The following GALNTL6 variants were observed in gnomAD, a reference collection of about 807,000 sequenced individuals.
GALNTL6 encodes polypeptide N-acetylgalactosaminyltransferase like 6.
GALNTL6 carries 46 observed loss-of-function variants against 73.7 expected under a neutral mutation model. The observed-to-expected ratio is 0.62, with a 90% CI of 0.49 to 0.80. The LOEUF (loss-of-function observed/expected upper bound fraction) is 0.80, where lower values mean the gene tolerates loss of function less well. Ranked by LOEUF, GALNTL6 falls within the 30% of genes least tolerant of loss-of-function variation. GALNTL6 has a pLI of 0.00. For missense variants in GALNTL6, 604 were observed against 755.0 expected, an observed-to-expected ratio of 0.80 and a Z score of 2.34; for synonymous variants, 259 against 263.7, an observed-to-expected ratio of 0.98 and a Z score of 0.17.
chr4:172,566,789 G>GA (rs899232728), intron 5 of GALNTL6, among the ~76,000 whole-genome samples: 8 of 150,024 alleles, frequency 5.3e-5, no homozygotes, highest in African/African-American at 1.2e-4. Context: ...GCTAGACTAG[G>GA]AAAAAAAAAG....
intron 5 of GALNTL6, among the ~76,000 whole-genome samples, chr4:172,800,509 A>C (rs1478666035): frequency 6.6e-6 from 1 of 152,208 alleles, no homozygotes. Context: ...TTTAGGGTCA[A>C]ATAGTAGAAT....
intron 5 of GALNTL6, among the ~76,000 whole-genome samples, chr4:172,731,051 G>A (rs531221075): frequency 6.7e-6 from 1 of 148,888 alleles, no homozygotes; most frequent in Admixed American, 6.7e-5. Context: ...CTGCACTCCA[G>A]CCTGGGCTAC....
intron 5 of GALNTL6, among the ~76,000 whole-genome samples, chr4:172,363,335 C>G (rs1227612453): frequency 6.6e-6 from 1 of 152,134 alleles, no homozygotes; most frequent in Non-Finnish European, 1.5e-5. Context: ...TCCCTGAAAC[C>G]CTCCCACCTG....
chr4:171,975,425 T>A (rs1025010655), intron 2 of GALNTL6, among the ~76,000 whole-genome samples: 1 of 152,190 alleles, frequency 6.6e-6, no homozygotes, highest in South Asian at 2.1e-4. Flanking sequence ...AAAGTAGGTA[T>A]CCTTTTCTTT....
chr4:172,846,033 A>G (rs1161982987), intron 7 of GALNTL6, among the ~76,000 whole-genome samples: 1 of 152,258 alleles, frequency 6.6e-6, no homozygotes, highest in Non-Finnish European at 1.5e-5. Flanking sequence ...AATGTCCACA[A>G]TTGGAAGATA....
chr4:172,352,811 T>G (rs1241935346), intron 5 of GALNTL6, among the ~76,000 whole-genome samples: 1 of 152,022 alleles, frequency 6.6e-6, no homozygotes, highest in Non-Finnish European at 1.5e-5. Context: ...CTGCTCCTGC[T>G]TGTTTCAAAG....
At chr4:171,855,223 C>A (rs1467466896) in intron 2 of GALNTL6, among the ~76,000 whole-genome samples, 1 of 152,158 alleles carries the variant, frequency 6.6e-6, no homozygotes, top group Non-Finnish European at 1.5e-5. Context: ...CGTACCGTAT[C>A]ATACAGAACA....
At chr4:171,931,341 C>T (rs1054408303) in intron 2 of GALNTL6, among the ~76,000 whole-genome samples, 3 of 152,128 alleles carry the variant, frequency 2.0e-5, no homozygotes, top group African/African-American at 7.2e-5. Context: ...ACCACCACAA[C>T]CGGCCCAGCT....
chr4:172,969,507 A>G (rs1007371041), intron 10 of GALNTL6, among the ~76,000 whole-genome samples: 2 of 152,244 alleles, frequency 1.3e-5, no homozygotes, highest in Non-Finnish European at 2.9e-5. Flanking sequence ...ACTAAGAACC[A>G]TCAACACTGA....
Position 172,788,439 on chromosome 4 carries a change from G to A in GALNTL6, c.554-20922G>A, listed in dbSNP as rs185072203. 4.8e-3 allele frequency among the ~76,000 whole-genome samples: 725 copies of A among 152,200 alleles called. 2 individuals carry two copies. Among genetic ancestry groups the A allele is most frequent in the Middle Eastern group, 0.01 (3 of 294 alleles). On this transcript the variant is annotated intron_variant, in intron 5 of 12. Coordinates refer to ENST00000506823, the MANE Select transcript of GALNTL6 (RefSeq NM_001034845.3). ...TGTAATCACAGCACTTTGGGAGGCC[G>A]AGACGGGTGGATCACAAGATCAGGA...
At chr4:171,997,677 T>C (rs1187484786) in intron 2 of GALNTL6, among the ~76,000 whole-genome samples, 1 of 152,136 alleles carries the variant, frequency 6.6e-6, no homozygotes, top group African/African-American at 2.4e-5. Flanking sequence ...AGACCATCTG[T>C]AGTAGACTTT....
chr4:172,185,906 A>G (rs1007211329), intron 2 of GALNTL6, among the ~76,000 whole-genome samples: 1 of 152,210 alleles, frequency 6.6e-6, no homozygotes, highest in Non-Finnish European at 1.5e-5. Flanking sequence ...CAACTATGCT[A>G]ATGCAAAATA....
chr4:172,941,974 A>T (rs1748941445), intron 9 of GALNTL6, among the ~76,000 whole-genome samples: 1 of 152,074 alleles, frequency 6.6e-6, no homozygotes, highest in South Asian at 2.1e-4. Context: ...CATGTTTCTG[A>T]TGGTTTATTA....
rs554513748 is a variant in GALNTL6 at position 172,778,329 on chromosome 4, C to T, written c.554-31032C>T. On this transcript the variant is annotated intron_variant, in intron 5 of 12. Transcript: ENST00000506823. Reference sequence around the variant, plus strand: ...AACACAGAATTATTTATCCCACCTGCCATAAGTGTAATGGAAAGGCAGAAT... The same window carrying T: ...AACACAGAATTATTTATCCCACCTGTCATAAGTGTAATGGAAAGGCAGAAT... Among the ~76,000 whole-genome samples, 60 of 152,264 alleles carry T rather than the reference C, an allele frequency of 3.9e-4. 1 individual carries two copies. The highest frequency in any genetic ancestry group is 2.9e-3 in the Admixed American group (44 of 15,302).
intron 2 of GALNTL6, among the ~76,000 whole-genome samples, chr4:172,178,604 CT>C (rs1219398565): frequency 6.7e-6 from 1 of 149,988 alleles, no homozygotes; most frequent in African/African-American, 2.5e-5. Context: ...TGAACTCATC[CT>C]TTTTTATGGC....
At chr4:172,827,047 A>C (rs548596581) in intron 7 of GALNTL6, among the ~76,000 whole-genome samples, 1 of 152,194 alleles carries the variant, frequency 6.6e-6, no homozygotes, top group African/African-American at 2.4e-5. Flanking sequence ...GATGCAGCAG[A>C]CCTTTCAAAA....
chr4:172,434,323 T>G (rs1219287495), intron 5 of GALNTL6, among the ~76,000 whole-genome samples: 1 of 152,140 alleles, frequency 6.6e-6, no homozygotes, highest in East Asian at 1.9e-4. Flanking sequence ...CTTAGTTATC[T>G]GTCACCAATT....
chr4:172,126,616 G>C (rs1285621814), intron 2 of GALNTL6, among the ~76,000 whole-genome samples: 1 of 152,126 alleles, frequency 6.6e-6, no homozygotes, highest in Non-Finnish European at 1.5e-5. Flanking sequence ...TCCCACCAGA[G>C]ACTCACATCA....
intron 5 of GALNTL6, among the ~76,000 whole-genome samples, chr4:172,641,044 C>G (rs1739949599): frequency 6.6e-6 from 1 of 152,076 alleles, no homozygotes; most frequent in Non-Finnish European, 1.5e-5. Context: ...TTGACCCTCT[C>G]TTCTCTAACT....
Sources: gnomAD v4.1 joint callset for allele counts (sites outside exome capture counted in the v4.1 genomes callset) on GRCh38, gnomAD v4.1.1 for gene constraint, MANE v1.5 for transcripts, NCBI Gene and HGNC (gene_info 2026-07-23, HGNC 2026-07-21) for gene names.